The following TSEN2 variants were observed in gnomAD, a reference collection of about 807,000 sequenced individuals.
TSEN2 encodes tRNA-splicing endonuclease subunit Sen2.
In TSEN2, 54 loss-of-function variants were observed where a neutral mutation model predicts 59.2. That is an observed-to-expected ratio of 0.91 (90% confidence interval 0.73 to 1.14). The LOEUF is 1.14. Among genes scored for constraint, TSEN2 ranks in the 50% most tolerant of loss-of-function variants. The pLI is 0.00. For missense variants in TSEN2, 636 were observed against 576.2 expected (o/e 1.10, Z -1.06); for synonymous variants, 195 against 198.2 (o/e 0.98, Z 0.14).
chr3:12,502,460 C>G (rs368473995), intron 4 of TSEN2, among the ~76,000 whole-genome samples: 1 of 151,894 alleles, frequency 6.6e-6, no homozygotes, highest in Non-Finnish European at 1.5e-5. Context: ...CGCTTGAACC[C>G]GGGAGGCAGA....
At chr3:12,505,298 C>A in intron 6 of TSEN2, 67 bp downstream of exon 6, 2 of 955,752 alleles carry the variant, frequency 2.1e-6, no homozygotes, top group South Asian at 1.3e-5. Context: ...ATATGTGAAC[C>A]TACCTCACAG....
At chr3:12,485,641 A>G (rs1479352462) in intron 1 of TSEN2, among the ~76,000 whole-genome samples, 1 of 152,192 alleles carries the variant, frequency 6.6e-6, no homozygotes, top group Non-Finnish European at 1.5e-5. Context: ...CCTGGGCATG[A>G]GGAGTTAAGG....
chr3:12,492,638 A>G (rs2053336150), intron 3 of TSEN2, among the ~76,000 whole-genome samples: 3 of 152,242 alleles, frequency 2.0e-5, no homozygotes, highest in Admixed American at 6.5e-5. Flanking sequence ...ATATTTATCT[A>G]AGGAATTCTC....
intron 6 of TSEN2, among the ~76,000 whole-genome samples, chr3:12,514,518 G>C (rs371780060): frequency 3.3e-5 from 5 of 152,310 alleles, no homozygotes; most frequent in African/African-American, 1.2e-4. Context: ...GCCACCCACA[G>C]ACTTGGGACC....
At chr3:12,514,355 G>T (rs866570612) in intron 6 of TSEN2, among the ~76,000 whole-genome samples, 1 of 152,178 alleles carries the variant, frequency 6.6e-6, no homozygotes, top group Non-Finnish European at 1.5e-5. Context: ...CAAGCAGTTT[G>T]GACTTTATTC....
chr3:12,495,183 A>G (rs796142707), intron 3 of TSEN2, among the ~76,000 whole-genome samples: 11 of 152,126 alleles, frequency 7.2e-5, no homozygotes, highest in African/African-American at 2.7e-4. Context: ...TTAAACATAG[A>G]AATGAAGTAA....
intron 4 of TSEN2, among the ~76,000 whole-genome samples, chr3:12,500,769 C>G (rs1308674160): frequency 6.6e-6 from 1 of 152,140 alleles, no homozygotes; most frequent in Non-Finnish European, 1.5e-5. Flanking sequence ...TGTAGATGGT[C>G]ACTGAGCCTT....
intron 1 of TSEN2, among the ~76,000 whole-genome samples, chr3:12,485,754 A>G (rs1476265243): frequency 6.6e-6 from 1 of 152,118 alleles, no homozygotes; most frequent in Admixed American, 6.5e-5. Context: ...AGTGACTCCA[A>G]TTCCAAACCA....
intron 1 of TSEN2, among the ~76,000 whole-genome samples, chr3:12,487,161 G>A (rs1175996873): frequency 6.6e-6 from 1 of 152,224 alleles, no homozygotes; most frequent in African/African-American, 2.4e-5. Context: ...CTTAGAGAAA[G>A]TGGGTTGTGC....
chr3:12,504,131 G>A (rs1433207538), intron 5 of TSEN2, among the ~76,000 whole-genome samples: 1 of 152,188 alleles, frequency 6.6e-6, no homozygotes, highest in African/African-American at 2.4e-5. Context: ...AGGGAGGCCA[G>A]GTAAGAGCTA....
chr3:12,536,079 T>G (rs2057667651), downstream of TSEN2, among the ~76,000 whole-genome samples: 1 of 152,200 alleles, frequency 6.6e-6, no homozygotes, highest in Non-Finnish European at 1.5e-5. Flanking sequence ...CCTTATTTTC[T>G]CTAGGAAGTG....
intron 8 of TSEN2, among the ~76,000 whole-genome samples, chr3:12,526,222 TA>T (rs2057070488): frequency 1.3e-5 from 2 of 152,060 alleles, no homozygotes; most frequent in South Asian, 2.1e-4. Context: ...AAAAAGTGTT[TA>T]TAAAGAGTAC....
chr3:12,487,125 C>A (rs927443381), intron 1 of TSEN2, among the ~76,000 whole-genome samples: 1 of 152,268 alleles, frequency 6.6e-6, no homozygotes, highest in Admixed American at 6.5e-5. Flanking sequence ...TCCTCCAGTC[C>A]TGTTCGATTT....
chr3:12,524,886 A>G (rs2125212242), intron 8 of TSEN2, among the ~76,000 whole-genome samples: 1 of 151,860 alleles, frequency 6.6e-6, no homozygotes, highest in South Asian at 2.1e-4. Flanking sequence ...GGGATTACAG[A>G]TGCTTGCCAC....
At position 12,533,005 on chromosome 3, in the gene TSEN2, G is replaced by A; in HGVS notation, c.*284G>A. On this transcript the variant is annotated 3_prime_UTR_variant, in exon 12 of 12. Coordinates refer to ENST00000284995, the MANE Select transcript of TSEN2 (RefSeq NM_025265.4). ...CCCTCATCCACTCACTGGGGAGATT[G>A]GACTAGAGGAGTCCTGAGAGGACAC... 1.9e-6 allele frequency: 1 copy of A among 523,824 alleles called. No individual in the cohort carries two copies. The highest frequency in any genetic ancestry group is 3.4e-6 in the Non-Finnish European group (1 of 292,778). The allele number at this position is 523,824 out of a possible 1,614,324, so 32.4% of individuals were successfully genotyped here. A position where few individuals can be genotyped will look rare whatever the true frequency, so the allele number is the denominator to read the frequency against.
At chr3:12,534,024 T>C (rs2057609568), downstream of TSEN2, among the ~76,000 whole-genome samples, 1 of 152,086 alleles carries the variant, frequency 6.6e-6, no homozygotes, top group Non-Finnish European at 1.5e-5. Context: ...TCACTACCAG[T>C]CATGCACGTG....
chr3:12,496,884 G>T (rs2124996967), intron 4 of TSEN2, among the ~76,000 whole-genome samples: 1 of 152,284 alleles, frequency 6.6e-6, no homozygotes, highest in South Asian at 2.1e-4. Context: ...GGCACAGATG[G>T]TCCTGTCCCC....
chr3:12,496,390 G>T (rs1168340093), intron 3 of TSEN2, 128 bp from the exon 4 acceptor site: 6 of 993,160 alleles, frequency 6.0e-6, no homozygotes, highest in African/African-American at 1.6e-5. Context: ...TGCCATTACT[G>T]ACTGGACAGT....
chr3:12,515,093 G>A (rs561653498), intron 6 of TSEN2: 1 of 152,194 alleles, frequency 6.6e-6, no homozygotes, highest in Non-Finnish European at 1.5e-5. Context: ...CCTCCTGCAA[G>A]GGTCTTGGGG....
Sources: allele counts gnomAD v4.1 joint callset (sites outside exome capture counted in the v4.1 genomes callset), GRCh38; gene constraint gnomAD v4.1.1; transcripts MANE v1.5; gene names NCBI Gene and HGNC (gene_info 2026-07-23, HGNC 2026-07-21).